Variants in GNG7 observed in about 807,000 individuals in gnomAD.
The protein encoded by GNG7 is guanine nucleotide-binding protein G(I)/G(S)/G(O) subunit gamma-7.
In GNG7, 1 loss-of-function variant was observed where a neutral mutation model predicts 4.0. That is an observed-to-expected ratio of 0.25 (90% CI 0.09 to 1.18). The LOEUF is 1.18. Among genes scored for constraint, GNG7 ranks in the 50% most tolerant of loss-of-function variants. The probability of loss-of-function intolerance (pLI) is 0.50; values close to 1 mark genes in which losing one functional copy is unlikely to be tolerated. For synonymous variants in GNG7, 34 were observed against 36.9 expected (o/e 0.92, Z 0.29); for missense variants, 86 against 91.9 (o/e 0.94, Z 0.26).
chr19:2,612,338 C>T (rs548775236), intron 2 of GNG7, among the ~76,000 whole-genome samples: 16 of 152,274 alleles, frequency 1.1e-4, no homozygotes, highest in South Asian at 4.1e-4. Context: ...GATAACCACA[C>T]GTCCCCAAAC....
Position 2,558,889 on chromosome 19 carries a change from C to A in GNG7, c.-77-3701G>T, listed in dbSNP as rs145481104. Among the ~76,000 whole-genome samples, 1,184 of 151,972 alleles carry A rather than the reference C, an allele frequency of 7.8e-3. 13 individuals are homozygous for A. The highest frequency in any genetic ancestry group is 0.026 in the African/African-American group (1,096 of 41,436). On this transcript the variant is annotated intron_variant, in intron 2 of 4. Transcript: ENST00000382159. ...TCTCTGCTCACTGCAACCTCTGCCTCCTGGGCTCAAGCAATTCTCCTGCCT... is the reference window on the plus strand; with the variant it reads ...TCTCTGCTCACTGCAACCTCTGCCTACTGGGCTCAAGCAATTCTCCTGCCT...
rs1330919226 is a variant in GNG7, at chr19:2,657,360, AAATATATATATATATATATAT to A, written c.-134-11101_-134-11081del. Reference sequence around the variant, plus strand: ...ATTAAAAAAAAAAAAAAAAAAAAAAAAATATATATATATATATATATATATATATATATATATATACACATA... The same window carrying A: ...ATTAAAAAAAAAAAAAAAAAAAAAAAATATATATATATATATATACACATA... On this transcript the variant is annotated intron_variant, in intron 1 of 4. Coordinates refer to ENST00000382159, the MANE Select transcript of GNG7 (RefSeq NM_052847.3). 1.0e-3 allele frequency among the ~76,000 whole-genome samples: 21 copies of A among 20,542 alleles called. 1 individual carries two copies. In the South Asian group the frequency reaches 0.02, roughly 20 times the overall value. The allele number at this position is 20,542 out of a possible 152,430, so 13.5% of individuals were successfully genotyped here. A position where few individuals can be genotyped will look rare whatever the true frequency, so the allele number is the denominator to read the frequency against.
chr19:2,643,134 C>A (rs1431679206), intron 2 of GNG7: 2 of 453,790 alleles, frequency 4.4e-6, no homozygotes, highest in East Asian at 1.4e-4. Flanking sequence ...CCGGGCTCTG[C>A]ACACCTTCCC....
At chr19:2,650,038 G>A (rs1477448593) in intron 1 of GNG7, among the ~76,000 whole-genome samples, 2 of 152,090 alleles carry the variant, frequency 1.3e-5, no homozygotes, top group African/African-American at 2.4e-5. Context: ...TCAAAGACTC[G>A]CTCCTTTCCA....
intron 1 of GNG7, among the ~76,000 whole-genome samples, chr19:2,650,718 G>T (rs532496670): frequency 2.0e-5 from 3 of 152,166 alleles, no homozygotes; most frequent in African/African-American, 4.8e-5. Context: ...GCCTTGAGCC[G>T]CACCAGCTGG....
intron 1 of GNG7, among the ~76,000 whole-genome samples, chr19:2,656,844 G>A (rs1195318024): frequency 6.6e-6 from 1 of 152,104 alleles, no homozygotes; most frequent in Non-Finnish European, 1.5e-5. Flanking sequence ...GATATAATCC[G>A]TGTACTAGAG....
chr19:2,577,727 C>T (rs539107311), intron 2 of GNG7, among the ~76,000 whole-genome samples: 36 of 147,244 alleles, frequency 2.4e-4, no homozygotes, highest in Non-Finnish European at 3.3e-4. Flanking sequence ...AAAAAATCAG[C>T]GTAATATTTT....
intron 1 of GNG7, among the ~76,000 whole-genome samples, chr19:2,685,614 G>A (rs1983851537): frequency 6.6e-6 from 1 of 152,174 alleles, no homozygotes; most frequent in African/African-American, 2.4e-5. Context: ...GACAGAGGGA[G>A]ACCCTGTCTC....
At chr19:2,660,892 T>C (rs1417074334) in intron 1 of GNG7, among the ~76,000 whole-genome samples, 2 of 152,118 alleles carry the variant, frequency 1.3e-5, no homozygotes, top group African/African-American at 4.8e-5. Flanking sequence ...CAGGCAGTGC[T>C]GTGAAGAAAT....
Position 2,511,839 on chromosome 19 carries a change from G to A in GNG7, c.*3183C>T. On this transcript the variant is annotated 3_prime_UTR_variant, in exon 5 of 5. Coordinates refer to ENST00000382159, the MANE Select transcript of GNG7 (RefSeq NM_052847.3). This position sits in a 1 kb window ranked among gnomAD's most constrained non-coding sequence, Gnocchi z 6.3. Reference sequence around the variant, plus strand: ...CTGAGCTATCTGTGCTTGGCCTGGGGTTACCCCTGGGGAGGGTGGGAGAGG... The same window carrying A: ...CTGAGCTATCTGTGCTTGGCCTGGGATTACCCCTGGGGAGGGTGGGAGAGG... 1.0e-6 allele frequency: 1 copy of A among 986,250 alleles called. No homozygotes were observed. Among genetic ancestry groups the A allele is most frequent in the Non-Finnish European group, 1.2e-6 (1 of 830,198 alleles). The allele number at this position is 986,250 out of a possible 1,614,324, so 61.1% of individuals were successfully genotyped here.
At chr19:2,659,642 G>A (rs1480035170) in intron 1 of GNG7, among the ~76,000 whole-genome samples, 2 of 141,156 alleles carry the variant, frequency 1.4e-5, no homozygotes, top group African/African-American at 5.3e-5. Context: ...GGGAGGGAAG[G>A]AAAGAGGAAG....
intron 3 of GNG7, among the ~76,000 whole-genome samples, chr19:2,522,064 T>G (rs1978311768): frequency 6.6e-6 from 1 of 152,176 alleles, no homozygotes; most frequent in Non-Finnish European, 1.5e-5. Flanking sequence ...GGGATGACTC[T>G]GCCCTCCATG....
Position 2,618,369 on chromosome 19 carries a change from G to A in GNG7, c.-78+27855C>T, listed in dbSNP as rs987733381. Among the ~76,000 whole-genome samples, 2 of 150,740 alleles carry A rather than the reference G, an allele frequency of 1.3e-5. No homozygotes were observed. Among genetic ancestry groups the A allele is most frequent in the African/African-American group, 5.0e-5 (2 of 40,244 alleles). On this transcript the variant is annotated intron_variant, in intron 2 of 4. Transcript: ENST00000382159. The surrounding 1 kb of genome is among the most constrained non-coding windows in gnomAD (Gnocchi z 5.1). ...TGTGTGTGTGTGTGTGTGTGTGTGTGTGTGTATCTCACTCTGTTGCCCAGG... is the reference window on the plus strand; with the variant it reads ...TGTGTGTGTGTGTGTGTGTGTGTGTATGTGTATCTCACTCTGTTGCCCAGG...
intron 2 of GNG7, among the ~76,000 whole-genome samples, chr19:2,590,282 G>A (rs148201279): frequency 0.013 from 2,053 of 152,212 alleles, 30 homozygotes; most frequent in Non-Finnish European, 0.021. Flanking sequence ...AATAGAACAG[G>A]TAAAGAAAAT....
At chr19:2,577,375 C>CG (rs1327039392) in intron 2 of GNG7, among the ~76,000 whole-genome samples, 1 of 151,994 alleles carries the variant, frequency 6.6e-6, no homozygotes, top group African/African-American at 2.4e-5. Flanking sequence ...GTTGTAGGAC[C>CG]GGGGTCCCTG....
rs964482071 is a variant in GNG7 at position 2,512,297 on chromosome 19, C to T, written c.*2725G>A. On this transcript the variant is annotated 3_prime_UTR_variant, in exon 5 of 5. Coordinates refer to ENST00000382159, the MANE Select transcript of GNG7 (RefSeq NM_052847.3). The surrounding 1 kb of genome is among the most constrained non-coding windows in gnomAD (Gnocchi z 4.7). ...ACATGTGGCGGTCGGTGTGTGCACT[C>T]GGGTGCCACGTCTGCAAAGGTATTT... is the stretch of plus-strand genomic sequence containing the variant. 1.8e-5 allele frequency: 18 copies of T among 985,488 alleles called. No homozygotes were observed. Among genetic ancestry groups the T allele is most frequent in the South Asian group, 4.7e-5 (1 of 21,284 alleles). 61.0% of individuals were successfully genotyped at this position (985,488 alleles called of 1,614,324 possible).
intron 4 of GNG7, among the ~76,000 whole-genome samples, chr19:2,517,528 G>A (rs931687221): frequency 4.6e-5 from 7 of 151,872 alleles, no homozygotes; most frequent in African/African-American, 1.7e-4. Flanking sequence ...CCACGCCAGG[G>A]TAATTTTTGT....
chr19:2,657,358 AAAAATATATATATATAT>A (rs1192617339), intron 1 of GNG7, among the ~76,000 whole-genome samples: 3 of 21,060 alleles, frequency 1.4e-4, no homozygotes, highest in African/African-American at 3.9e-4. Context: ...AAAAAAAAAA[AAAAATATATATATATAT>A]ATATATATAT....
intron 2 of GNG7, among the ~76,000 whole-genome samples, chr19:2,638,194 C>G (rs1464449581): frequency 6.6e-6 from 1 of 151,078 alleles, no homozygotes; most frequent in Non-Finnish European, 1.5e-5. Flanking sequence ...GAAACCCTGT[C>G]TCTACTAAAT....
Sources: allele counts gnomAD v4.1 joint callset (sites outside exome capture counted in the v4.1 genomes callset), GRCh38; gene constraint gnomAD v4.1.1; non-coding constraint Gnocchi (gnomAD v3.1); transcripts MANE v1.5; gene names NCBI Gene and HGNC (gene_info 2026-07-23, HGNC 2026-07-21).